Variants in ITGA1 observed in about 807,000 individuals in gnomAD.
ITGA1 encodes integrin subunit alpha 1, also known as integrin alpha-1.
A neutral mutation model predicts 145.9 loss-of-function variants in ITGA1; 85 were observed. That is an observed-to-expected ratio of 0.58 (90% CI 0.49 to 0.70). The LOEUF is 0.70. Ranked by LOEUF, ITGA1 falls within the 30% of genes least tolerant of loss-of-function variation. ITGA1 has a pLI of 0.00. For synonymous variants in ITGA1, 520 were observed against 495.3 expected, an observed-to-expected ratio of 1.05 and a Z score of -0.66; for missense variants, 1,351 against 1,418.7, an observed-to-expected ratio of 0.95 and a Z score of 0.77.
At position 52,929,619 on chromosome 5, in the gene ITGA1, T is replaced by C; in HGVS notation, c.2695-6T>C. 6.9e-7 allele frequency: 1 copy of C among 1,441,526 alleles called. No homozygotes were observed. The highest frequency in any genetic ancestry group is 1.2e-5 in the South Asian group (1 of 84,508). The allele number at this position is 1,441,526 out of a possible 1,614,324, so 89.3% of individuals were successfully genotyped here. ...CTGTTACTAAAGACATATTTTTATTTTATAGGTAACTTTCAAAATATTGTT... is the reference window on the plus strand; with the variant it reads ...CTGTTACTAAAGACATATTTTTATTCTATAGGTAACTTTCAAAATATTGTT... On this transcript the variant is annotated splice_region_variant and splice_polypyrimidine_tract_variant and intron_variant, in intron 20 of 28. Coordinates refer to ENST00000282588, the MANE Select transcript of ITGA1 (RefSeq NM_181501.2).
intron 2 of ITGA1, among the ~76,000 whole-genome samples, chr5:52,859,710 T>C (rs547052848): frequency 6.6e-6 from 1 of 152,346 alleles, no homozygotes; most frequent in African/African-American, 2.4e-5. Context: ...TCTTTCTCCA[T>C]GCCGAACATC....
chr5:52,944,239 C>T (rs1043127766), intron 26 of ITGA1, among the ~76,000 whole-genome samples: 1 of 152,134 alleles, frequency 6.6e-6, no homozygotes, highest in Non-Finnish European at 1.5e-5. Context: ...ATCCACCTGC[C>T]AGCTCACACA....
chr5:52,842,720 C>G (rs1749274848), intron 1 of ITGA1, among the ~76,000 whole-genome samples: 1 of 138,040 alleles, frequency 7.2e-6, no homozygotes, highest in Non-Finnish European at 1.5e-5. Flanking sequence ...AAGTCTCACT[C>G]TGTCACCCAG....
chr5:52,870,959 C>G (rs1312131825), intron 6 of ITGA1, among the ~76,000 whole-genome samples: 1 of 152,172 alleles, frequency 6.6e-6, no homozygotes, highest in East Asian at 1.9e-4. Context: ...TAGGATAATA[C>G]CAATGCAGTA....
intron 1 of ITGA1, among the ~76,000 whole-genome samples, chr5:52,816,761 T>C (rs1435183612): frequency 6.6e-6 from 1 of 152,216 alleles, no homozygotes; most frequent in Non-Finnish European, 1.5e-5. Flanking sequence ...CTCAGGAAGA[T>C]AGCAGAGCTC....
intron 11 of ITGA1, among the ~76,000 whole-genome samples, chr5:52,900,893 T>C (rs533134806): frequency 1.1e-4 from 17 of 152,214 alleles, no homozygotes; most frequent in African/African-American, 3.9e-4. Flanking sequence ...TTTTATTATG[T>C]AAATGTTATT....
At chr5:52,821,823 A>G (rs1224158777) in intron 1 of ITGA1, among the ~76,000 whole-genome samples, 1 of 152,164 alleles carries the variant, frequency 6.6e-6, no homozygotes, top group Admixed American at 6.6e-5. Flanking sequence ...TGCCTTTAAA[A>G]TTATGCTAGT....
chr5:52,889,866 T>C (rs1417853080), intron 8 of ITGA1: 1 of 150,272 alleles, frequency 6.7e-6, no homozygotes, highest in Non-Finnish European at 1.5e-5. Context: ...AGGCCAAGAC[T>C]CTCCTTCTTC....
Position 52,955,805 on chromosome 5 carries a change from T to C in ITGA1, c.*3354T>C, listed in dbSNP as rs1028457059. ...AACTATTTTCCTCTGAGCACTAGAT[T>C]CATGGGCAATTTAATCTCTGAATAT... On this transcript the variant is annotated 3_prime_UTR_variant, in exon 29 of 29. Coordinates refer to ENST00000282588, the MANE Select transcript of ITGA1 (RefSeq NM_181501.2). 2 of 152,172 alleles carry C rather than the reference T, an allele frequency of 1.3e-5. No individual in the cohort carries two copies. Among genetic ancestry groups the C allele is most frequent in the Non-Finnish European group, 2.9e-5 (2 of 68,042 alleles). 9.4% of individuals were successfully genotyped at this position (152,172 alleles called of 1,614,324 possible).
chr5:52,950,072 G>C (rs576000443), intron 28 of ITGA1, among the ~76,000 whole-genome samples: 3 of 152,304 alleles, frequency 2.0e-5, no homozygotes, highest in Admixed American at 2.0e-4. Context: ...AAAAATTAAA[G>C]CTTGACAAAG....
intron 1 of ITGA1, among the ~76,000 whole-genome samples, chr5:52,821,060 T>A (rs1748871945): frequency 1.3e-5 from 2 of 152,202 alleles, no homozygotes; most frequent in African/African-American, 2.4e-5. Context: ...AGTCATTGTA[T>A]GAAACAATTA....
rs983716061 is a variant in ITGA1 at position 52,942,753 on chromosome 5, G to A, written c.3286-2190G>A. 1.5e-3 allele frequency among the ~76,000 whole-genome samples: 219 copies of A among 150,286 alleles called. 1 individual carries two copies. The highest frequency in any genetic ancestry group is 5.2e-3 in the African/African-American group (212 of 40,874). ...AGATGGGGTTTCACTGTGTTAGCCAGGATGGTCTCGATCTCCTGACCTCAT... is the reference window on the plus strand; with the variant it reads ...AGATGGGGTTTCACTGTGTTAGCCAAGATGGTCTCGATCTCCTGACCTCAT... On this transcript the variant is annotated intron_variant, in intron 26 of 28. Coordinates refer to ENST00000282588, the MANE Select transcript of ITGA1 (RefSeq NM_181501.2).
intron 3 of ITGA1, 103 bp downstream of exon 3, chr5:52,861,662 G>A: frequency 1.4e-6 from 1 of 709,214 alleles, no homozygotes. Context: ...TTTGAGCCCA[G>A]GAGTTTGAGA....
chr5:52,927,613 T>A lies in ITGA1; in HGVS notation c.2643T>A (p.Asn881Lys). 6.2e-7 allele frequency: 1 copy of A among 1,611,594 alleles called. No individual in the cohort carries two copies. Among genetic ancestry groups the A allele is most frequent in the Non-Finnish European group, 8.5e-7 (1 of 1,178,248 alleles). ...EAIQKDSCES[N>K]HNITCKVGYP... ...TCCAAAAAGACAGTTGTGAATCTAA[T>A]CATAATATCACATGTAAAGTTGGAT... Residue 881 changes from asparagine (N) to lysine (K), a missense_variant, in exon 20 of 29, where the codon AAT (asparagine) becomes AAA (lysine). By Grantham distance (94) the Asn-to-Lys change is moderately conservative. Coordinates refer to ENST00000282588, the MANE Select transcript of ITGA1 (RefSeq NM_181501.2).
At chr5:52,915,437 G>A (rs1231202371) in intron 14 of ITGA1, 27 bp from the exon 15 acceptor site, 1 of 1,609,832 alleles carries the variant, frequency 6.2e-7, no homozygotes, top group Admixed American at 1.7e-5. Flanking sequence ...CTTCTCATAT[G>A]AAACTCTTTT....
chr5:52,928,746 T>C (rs1233399467), intron 20 of ITGA1, among the ~76,000 whole-genome samples: 1 of 152,152 alleles, frequency 6.6e-6, no homozygotes, highest in African/African-American at 2.4e-5. Context: ...GTGGATGAGC[T>C]GAGGAGAGGA....
chr5:52,931,873 C>A (rs1292165393), intron 21 of ITGA1, 174 bp from the exon 22 acceptor site: 7 of 476,084 alleles, frequency 1.5e-5, no homozygotes, highest in Non-Finnish European at 2.6e-5. Context: ...AACTTTCAAC[C>A]ATACCAATCA....
chr5:52,924,498 C>T (rs541404366), intron 18 of ITGA1, among the ~76,000 whole-genome samples: 3 of 152,288 alleles, frequency 2.0e-5, no homozygotes, highest in African/African-American at 7.2e-5. Flanking sequence ...GAGGTGAGGC[C>T]GGAGGTAAAG....
intron 15 of ITGA1, among the ~76,000 whole-genome samples, chr5:52,916,075 A>G (rs967307713): frequency 6.6e-6 from 1 of 152,184 alleles, no homozygotes; most frequent in African/African-American, 2.4e-5. Context: ...TAAAATGCCT[A>G]AATCCCCAAA....
Sources: gnomAD v4.1 joint callset for allele counts (sites outside exome capture counted in the v4.1 genomes callset) on GRCh38, gnomAD v4.1.1 for gene constraint, MANE v1.5 for transcripts, NCBI Gene and HGNC (gene_info 2026-07-23, HGNC 2026-07-21) for gene names.